Variants in UBAC2 observed in about 807,000 individuals in gnomAD.
UBAC2 encodes UBA domain containing 2.
In UBAC2, 26 loss-of-function variants were observed where a neutral mutation model predicts 44.0. The observed-to-expected ratio is 0.59, with a 90% CI of 0.43 to 0.82. The LOEUF (loss-of-function observed/expected upper bound fraction) is 0.82, where lower values mean the gene tolerates loss of function less well. UBAC2 is among the 40% of genes least tolerant of loss of function. UBAC2 has a pLI of 0.00. For missense variants in UBAC2, 329 were observed against 419.4 expected (o/e 0.78, Z 1.88); for synonymous variants, 155 against 154.3 (o/e 1.00, Z -0.04).
intron 4 of UBAC2, among the ~76,000 whole-genome samples, chr13:99,275,401 G>A (rs1410119743): frequency 1.3e-5 from 2 of 152,178 alleles, no homozygotes; most frequent in Admixed American, 6.5e-5. Flanking sequence ...TAGCAGATGT[G>A]TGGTGATATA....
intron 8 of UBAC2, among the ~76,000 whole-genome samples, chr13:99,382,650 C>T (rs1297049339): frequency 6.6e-6 from 1 of 152,202 alleles, no homozygotes; most frequent in East Asian, 1.9e-4. Context: ...TGAGCAAAGG[C>T]AGCCACAGCC....
At chr13:99,361,900 G>A (rs2045270207) in intron 7 of UBAC2, among the ~76,000 whole-genome samples, 1 of 152,214 alleles carries the variant, frequency 6.6e-6, no homozygotes, top group South Asian at 2.1e-4. Context: ...AGGAGGCTGA[G>A]ATGGAAGATT....
At chr13:99,222,426 G>A (rs1475168951) in intron 1 of UBAC2, among the ~76,000 whole-genome samples, 1 of 152,186 alleles carries the variant, frequency 6.6e-6, no homozygotes, top group Non-Finnish European at 1.5e-5. Context: ...AAAGTGTGAT[G>A]CTAATACCTC....
intron 4 of UBAC2, among the ~76,000 whole-genome samples, chr13:99,252,584 G>T (rs1227760680): frequency 6.6e-6 from 1 of 152,196 alleles, no homozygotes; most frequent in Non-Finnish European, 1.5e-5. Context: ...AAAGCCATAT[G>T]TGTTAGGCAT....
At chr13:99,363,776 T>G (rs2045295906) in intron 7 of UBAC2, among the ~76,000 whole-genome samples, 1 of 152,188 alleles carries the variant, frequency 6.6e-6, no homozygotes, top group East Asian at 1.9e-4. Flanking sequence ...AAAATGGATA[T>G]TGGAAGTGAA....
At chr13:99,213,483 C>A (rs1406489726) in intron 1 of UBAC2, among the ~76,000 whole-genome samples, 1 of 151,782 alleles carries the variant, frequency 6.6e-6, no homozygotes, top group African/African-American at 2.4e-5. Context: ...GCCTCAGCCT[C>A]CCGAGTAGTT....
At chr13:99,289,413 C>CAT (rs1248242081) in intron 4 of UBAC2, among the ~76,000 whole-genome samples, 3 of 152,170 alleles carry the variant, frequency 2.0e-5, no homozygotes, top group Admixed American at 6.5e-5. Flanking sequence ...TTGAAAGGCC[C>CAT]ATATTGGGCA....
At chr13:99,239,544 G>A (rs1024913411) in intron 2 of UBAC2, among the ~76,000 whole-genome samples, 3 of 152,230 alleles carry the variant, frequency 2.0e-5, no homozygotes, top group African/African-American at 4.8e-5. Flanking sequence ...GGATTCTAGT[G>A]TATGGCTGGC....
chr13:99,351,185 T>A (rs1357699982), intron 7 of UBAC2, among the ~76,000 whole-genome samples: 3 of 152,232 alleles, frequency 2.0e-5, no homozygotes. Flanking sequence ...TACCAGAGGC[T>A]CTATCAGATA....
chr13:99,318,799 G>A (rs1448047206), intron 6 of UBAC2, among the ~76,000 whole-genome samples: 2 of 144,236 alleles, frequency 1.4e-5, no homozygotes, highest in African/African-American at 5.2e-5. Flanking sequence ...TCCAGCCTGG[G>A]CGACAGAGTG....
At chr13:99,354,181 C>T (rs986025137) in intron 7 of UBAC2, among the ~76,000 whole-genome samples, 1 of 152,184 alleles carries the variant, frequency 6.6e-6, no homozygotes, top group Non-Finnish European at 1.5e-5. Flanking sequence ...AGGACAGTTG[C>T]CCAAGGAGCT....
At chr13:99,290,830 C>T (rs1400670311) in intron 4 of UBAC2, among the ~76,000 whole-genome samples, 3 of 151,896 alleles carry the variant, frequency 2.0e-5, no homozygotes, top group African/African-American at 7.3e-5. Flanking sequence ...CACCTGAATC[C>T]CATGAATGAG....
rs139755385 is a variant in UBAC2, at chr13:99,385,308, C to G, written c.1008C>G (p.Val336=). The part of the protein sequence containing the change: ...ALRASNNDLN[V]ATNFLLQH ...GAGCTTCAAACAATGACCTCAATGTCGCCACCAACTTCCTGCTGCAGCACT... is the reference window on the plus strand; with the variant it reads ...GAGCTTCAAACAATGACCTCAATGTGGCCACCAACTTCCTGCTGCAGCACT... The change falls in exon 9 of 9, where the codon GTC becomes GTG. Residue 336 remains valine (V), a synonymous_variant. Transcript: ENST00000403766. The G allele has an allele frequency of 6.2e-7, 1 of 1,614,072 alleles. No individual in the cohort carries two copies. The highest frequency in any genetic ancestry group is 1.7e-5 in the Admixed American group (1 of 60,014).
At chr13:99,293,218 T>G (rs1368080588) in intron 4 of UBAC2, among the ~76,000 whole-genome samples, 1 of 152,188 alleles carries the variant, frequency 6.6e-6, no homozygotes, top group South Asian at 2.1e-4. Flanking sequence ...GGCAGAAAAC[T>G]GAACAGATAA....
chr13:99,273,587 G>T (rs1440211895), intron 4 of UBAC2, among the ~76,000 whole-genome samples: 4 of 152,222 alleles, frequency 2.6e-5, no homozygotes, highest in African/African-American at 9.6e-5. Context: ...CTTAAGGTAG[G>T]TACCTTGCAG....
At chr13:99,345,741 C>CTTTTT (rs766632532) in intron 7 of UBAC2, among the ~76,000 whole-genome samples, 11 of 130,938 alleles carry the variant, frequency 8.4e-5, no homozygotes, top group East Asian at 4.9e-4. Context: ...TTTTTTCTTT[C>CTTTTT]TTTTTTTTTT....
At chr13:99,316,511 C>T (rs1349627286) in intron 5 of UBAC2, among the ~76,000 whole-genome samples, 1 of 151,986 alleles carries the variant, frequency 6.6e-6, no homozygotes, top group East Asian at 1.9e-4. Context: ...ACTTGAGAGC[C>T]CATAACATCA....
chr13:99,343,949 A>G (rs750574083), intron 7 of UBAC2, among the ~76,000 whole-genome samples: 21 of 152,216 alleles, frequency 1.4e-4, no homozygotes, highest in Non-Finnish European at 2.6e-4. Flanking sequence ...AGTGCTTATT[A>G]TATGGTAGGC....
intron 4 of UBAC2, among the ~76,000 whole-genome samples, chr13:99,304,141 G>A (rs2044296311): frequency 6.6e-6 from 1 of 152,160 alleles, no homozygotes; most frequent in African/African-American, 2.4e-5. Context: ...CCTTCTTCAG[G>A]AGGGTTGCTG....
Sources: gnomAD v4.1 joint callset for allele counts (sites outside exome capture counted in the v4.1 genomes callset) on GRCh38, gnomAD v4.1.1 for gene constraint, MANE v1.5 for transcripts, NCBI Gene and HGNC (gene_info 2026-07-23, HGNC 2026-07-21) for gene names.